Variants in PIK3C3 observed in about 807,000 individuals in gnomAD.
PIK3C3 encodes the protein PI3-kinase type 3.
PIK3C3 carries 95 observed loss-of-function variants against 126.1 expected under a neutral mutation model. That is an observed-to-expected ratio of 0.75 (90% CI 0.64 to 0.89). PIK3C3 has a LOEUF of 0.89. Among genes scored for constraint, PIK3C3 ranks in the 40% least tolerant of loss-of-function variants. The probability of loss-of-function intolerance (pLI) is 0.00; values close to 1 mark genes in which losing one functional copy is unlikely to be tolerated. For missense variants in PIK3C3, 829 were observed against 1,063.2 expected, an observed-to-expected ratio of 0.78 and a Z score of 3.06; for synonymous variants, 374 against 360.0, an observed-to-expected ratio of 1.04 and a Z score of -0.44.
intron 21 of PIK3C3, among the ~76,000 whole-genome samples, chr18:42,055,905 G>A (rs1263178870): frequency 1.3e-5 from 2 of 151,986 alleles, no homozygotes; most frequent in Non-Finnish European, 2.9e-5. Flanking sequence ...TTAGAAATAA[G>A]TTCATGTTAT....
At chr18:42,010,184 TTCACCAAGCATAG>T (rs2144396343) in intron 10 of PIK3C3, among the ~76,000 whole-genome samples, 1 of 152,282 alleles carries the variant, frequency 6.6e-6, no homozygotes, top group East Asian at 1.9e-4. Flanking sequence ...TCACAGCATC[TTCACCAAGCATAG>T]ATCGCATCTC....
chr18:42,028,037 T>C (rs1983652900), intron 14 of PIK3C3, among the ~76,000 whole-genome samples: 1 of 152,216 alleles, frequency 6.6e-6, no homozygotes, highest in Non-Finnish European at 1.5e-5. Context: ...ATTTTAGTGT[T>C]CATAAATTTA....
chr18:42,054,173 T>G lies in PIK3C3; in HGVS notation c.2264-3710T>G, dbSNP rs1984948818. On this transcript the variant is annotated intron_variant, in intron 21 of 24. Coordinates refer to ENST00000262039, the MANE Select transcript of PIK3C3 (RefSeq NM_002647.4). ...ATATATATATATATATATATATATA[T>G]ATATATATATATATATATAAAGGGG... 5.5e-5 allele frequency among the ~76,000 whole-genome samples: 3 copies of G among 54,846 alleles called. No homozygotes were observed. In the South Asian group the frequency reaches 1.4e-3, roughly 25 times the overall value. 36.0% of individuals were successfully genotyped at this position (54,846 alleles called of 152,430 possible). A position where few individuals can be genotyped will look rare whatever the true frequency, so the allele number is the denominator to read the frequency against.
chr18:42,060,206 A>G (rs1035232925), intron 22 of PIK3C3, among the ~76,000 whole-genome samples: 4 of 152,192 alleles, frequency 2.6e-5, no homozygotes, highest in African/African-American at 4.8e-5. Context: ...GCTATTAGAT[A>G]TGATCGGCCC....
intron 20 of PIK3C3, 49 bp from the exon 21 acceptor site, chr18:42,049,482 A>G: frequency 7.2e-7 from 1 of 1,389,630 alleles, no homozygotes. Context: ...TAGAATGTAT[A>G]ACCTGGTTTG....
chr18:42,051,510 A>G (rs1220189559), intron 21 of PIK3C3, among the ~76,000 whole-genome samples: 1 of 151,976 alleles, frequency 6.6e-6, no homozygotes, highest in African/African-American at 2.4e-5. Context: ...TATAATTTGG[A>G]ATGTCATATA....
intron 1 of PIK3C3, among the ~76,000 whole-genome samples, chr18:41,956,533 C>CAA (rs1483797726): frequency 7.0e-6 from 1 of 142,672 alleles, no homozygotes; most frequent in Non-Finnish European, 1.5e-5. Context: ...AAGAAAAAGC[C>CAA]AAAAAAACCG....
rs575563474 is a variant in PIK3C3, at chr18:41,964,118, T to G, written c.401+1486T>G. 2.6e-5 allele frequency among the ~76,000 whole-genome samples: 4 copies of G among 152,252 alleles called. No homozygotes were observed. In the East Asian group the frequency reaches 7.7e-4, roughly 29 times the overall value. ...ATTCCTTTATATTAAAATCTTTGATTTATCTAAAATTACTTTTGTGAAAGA... is the reference window on the plus strand; with the variant it reads ...ATTCCTTTATATTAAAATCTTTGATGTATCTAAAATTACTTTTGTGAAAGA... On this transcript the variant is annotated intron_variant, in intron 3 of 24. Coordinates refer to ENST00000262039, the MANE Select transcript of PIK3C3 (RefSeq NM_002647.4).
intron 20 of PIK3C3, among the ~76,000 whole-genome samples, chr18:42,047,844 G>A (rs757810115): frequency 2.6e-5 from 4 of 152,142 alleles, no homozygotes; most frequent in Admixed American, 6.5e-5. Context: ...GCCAGTCTGT[G>A]GGATCACATT....
At chr18:42,005,561 A>G (rs1392146972) in intron 10 of PIK3C3, among the ~76,000 whole-genome samples, 2 of 152,188 alleles carry the variant, frequency 1.3e-5, no homozygotes, top group Non-Finnish European at 1.5e-5. Flanking sequence ...TAGGGTGAAT[A>G]TGTTCTTAAA....
At chr18:42,014,965 A>C (rs1434846054) in intron 11 of PIK3C3, among the ~76,000 whole-genome samples, 1 of 152,108 alleles carries the variant, frequency 6.6e-6, no homozygotes, top group Non-Finnish European at 1.5e-5. Context: ...TTTCTTCCCT[A>C]TGCCATGTAG....
In PIK3C3 at chr18:42,027,536, A is replaced by G; in HGVS notation, c.1578A>G (p.Gln526=). ...TGAACGTAATGAGAAGATTCAGCCA[A>G]GCATTGTTGAAGGTAACCCTTAAAT... ...MYLNVMRRFS[Q]ALLKGDKSVR... is the part of the protein sequence containing the mutation. Residue 526 remains glutamine (Q), a synonymous_variant, in exon 14 of 25, where the codon CAA becomes CAG. Coordinates refer to ENST00000262039, the MANE Select transcript of PIK3C3 (RefSeq NM_002647.4). 1 of 1,607,142 alleles carries G rather than the reference A, an allele frequency of 6.2e-7. No homozygotes were observed. The highest frequency in any genetic ancestry group is 1.7e-4 in the Middle Eastern group (1 of 6,042).
At chr18:41,972,703 T>C (rs1387212310) in intron 4 of PIK3C3, among the ~76,000 whole-genome samples, 1 of 152,136 alleles carries the variant, frequency 6.6e-6, no homozygotes, top group Non-Finnish European at 1.5e-5. Context: ...AATTACTTTT[T>C]TAAGGGGAAA....
chr18:42,009,464 A>C (rs1386574228), intron 10 of PIK3C3, among the ~76,000 whole-genome samples: 8 of 152,198 alleles, frequency 5.3e-5, no homozygotes, highest in Non-Finnish European at 1.2e-4. Context: ...AGACCTCTGC[A>C]ATAAAGCAAA....
At chr18:41,973,631 G>C (rs1980776393) in intron 4 of PIK3C3, among the ~76,000 whole-genome samples, 1 of 151,934 alleles carries the variant, frequency 6.6e-6, no homozygotes. Flanking sequence ...AGTGTCTGCT[G>C]TCTTTCACTC....
chr18:42,031,391 T>G (rs2144446844), intron 15 of PIK3C3, among the ~76,000 whole-genome samples: 1 of 152,320 alleles, frequency 6.6e-6, no homozygotes, highest in African/African-American at 2.4e-5. Context: ...TCAGTCTACA[T>G]ATTTGAATTC....
intron 9 of PIK3C3, among the ~76,000 whole-genome samples, chr18:42,003,275 G>A (rs1277645352): frequency 6.6e-6 from 1 of 152,114 alleles, no homozygotes; most frequent in Non-Finnish European, 1.5e-5. Flanking sequence ...GATTTTGGTT[G>A]GGCAGAGCAG....
intron 4 of PIK3C3, among the ~76,000 whole-genome samples, chr18:41,984,219 C>T (rs1343809760): frequency 6.6e-6 from 1 of 151,886 alleles, no homozygotes; most frequent in Non-Finnish European, 1.5e-5. Flanking sequence ...CATTACAGAC[C>T]CAAAATTAAA....
rs1190936319 is a variant in PIK3C3 at position 42,016,688 on chromosome 18, A to G, written c.1416+1122A>G. Among the ~76,000 whole-genome samples, 3 of 152,146 alleles carry G rather than the reference A, an allele frequency of 2.0e-5. No homozygotes were observed. The East Asian group carries it at 5.8e-4, about 29-fold the overall frequency. ...TAGCAAGTATAGAGGTCCTAAGACC[A>G]GAGTTTAAGTGTATATGTTTGAAGA... is the stretch of plus-strand genomic sequence containing the variant. On this transcript the variant is annotated intron_variant, in intron 12 of 24. Transcript: ENST00000262039.
Sources: allele counts gnomAD v4.1 joint callset (sites outside exome capture counted in the v4.1 genomes callset), GRCh38; gene constraint gnomAD v4.1.1; transcripts MANE v1.5; gene names NCBI Gene and HGNC (gene_info 2026-07-23, HGNC 2026-07-21).